Variants in DISP1 observed in about 807,000 individuals in gnomAD.
The protein encoded by DISP1 is protein dispatched homolog 1.
In DISP1, 30 loss-of-function variants were observed where a neutral mutation model predicts 37.3. That is an observed-to-expected ratio of 0.80 (90% CI 0.60 to 1.09). The LOEUF (loss-of-function observed/expected upper bound fraction) is 1.09. Ranked by LOEUF, DISP1 falls within the 50% of genes least tolerant of loss-of-function variation. DISP1 has a pLI of 0.00. For missense variants in DISP1, 1,598 were observed against 1,879.5 expected (o/e 0.85, Z 2.77); for synonymous variants, 634 against 690.2 (o/e 0.92, Z 1.28).
At chr1:222,927,501 C>T (rs1043800415) in intron 1 of DISP1, among the ~76,000 whole-genome samples, 9 of 152,022 alleles carry the variant, frequency 5.9e-5, no homozygotes, top group Non-Finnish European at 1.3e-4. Context: ...TCTGTGTTTT[C>T]ATTTTCTTGA....
chr1:222,918,133 G>C (rs796258976), intron 1 of DISP1, among the ~76,000 whole-genome samples: 3 of 152,284 alleles, frequency 2.0e-5, no homozygotes, highest in African/African-American at 7.2e-5. Flanking sequence ...CCTGGACCCG[G>C]GCACCTCAAA....
intron 2 of DISP1, among the ~76,000 whole-genome samples, chr1:222,935,792 A>G (rs919708278): frequency 1.2e-4 from 19 of 152,322 alleles, no homozygotes; most frequent in African/African-American, 4.3e-4. Flanking sequence ...TGGCCACACT[A>G]GCAGTTCTGA....
At chr1:222,836,335 T>C (rs1667023130) in intron 1 of DISP1, among the ~76,000 whole-genome samples, 1 of 152,214 alleles carries the variant, frequency 6.6e-6, no homozygotes, top group Non-Finnish European at 1.5e-5. Flanking sequence ...ACAGAAGTGG[T>C]AATGTGTGAC....
intron 4 of DISP1, among the ~76,000 whole-genome samples, chr1:222,986,691 C>A (rs1242698340): frequency 6.6e-6 from 1 of 152,180 alleles, no homozygotes; most frequent in African/African-American, 2.4e-5. Context: ...CCCTTCAGAT[C>A]CGTCTCCTAT....
intron 3 of DISP1, among the ~76,000 whole-genome samples, chr1:222,964,752 C>T (rs930338025): frequency 6.6e-6 from 1 of 152,188 alleles, no homozygotes; most frequent in African/African-American, 2.4e-5. Context: ...GCAGGATACG[C>T]AGTGGGTTTT....
chr1:222,991,693 T>G lies in DISP1; in HGVS notation c.791+46T>G, dbSNP rs113027364. On this transcript the variant is annotated intron_variant, in intron 6 of 8. Coordinates refer to ENST00000675850, the MANE Select transcript of DISP1 (RefSeq NM_001377229.1). The stretch of plus-strand genomic sequence containing the variant: ...ATATAACTTTTAGACAAAACATTGC[T>G]GAATGAATTCCTCTTCAAATACTGC... The G allele has an allele frequency of 2.5e-6, 4 of 1,579,224 alleles. No individual in the cohort carries two copies. The South Asian group carries it at 4.5e-5, about 18-fold the overall frequency.
chr1:222,947,386 T>C (rs1392965733), intron 3 of DISP1, among the ~76,000 whole-genome samples: 1 of 152,250 alleles, frequency 6.6e-6, no homozygotes, highest in East Asian at 1.9e-4. Context: ...TGTATATTTA[T>C]ATATTATATT....
chr1:222,920,867 GAC>G (rs1362009702), intron 1 of DISP1, among the ~76,000 whole-genome samples: 1 of 152,014 alleles, frequency 6.6e-6, no homozygotes, highest in African/African-American at 2.4e-5. Flanking sequence ...CATTCTAGAT[GAC>G]CAAAATGCTT....
chr1:222,931,921 T>G (rs899589296), intron 2 of DISP1, among the ~76,000 whole-genome samples: 2 of 151,986 alleles, frequency 1.3e-5, no homozygotes, highest in African/African-American at 4.8e-5. Flanking sequence ...ACGCAAAGTC[T>G]GCACTGTTGT....
intron 3 of DISP1, among the ~76,000 whole-genome samples, chr1:222,955,863 A>T (rs114396224): frequency 0.02 from 2,974 of 152,318 alleles, 45 homozygotes; most frequent in Middle Eastern, 0.048. Context: ...AAAGCAGAAT[A>T]CAATGAAAGA....
intron 1 of DISP1, among the ~76,000 whole-genome samples, chr1:222,861,702 C>T (rs1002122665): frequency 7.9e-5 from 12 of 152,178 alleles, no homozygotes; most frequent in South Asian, 2.1e-4. Flanking sequence ...TTCAAAACAC[C>T]ACAATAAATT....
At chr1:222,852,568 T>C (rs1280597790) in intron 1 of DISP1, among the ~76,000 whole-genome samples, 2 of 152,180 alleles carry the variant, frequency 1.3e-5, no homozygotes, top group Non-Finnish European at 2.9e-5. Context: ...GCCTGAAAAA[T>C]GTAGAACTCC....
chr1:222,968,245 A>C (rs1676654813), intron 3 of DISP1, among the ~76,000 whole-genome samples: 2 of 152,164 alleles, frequency 1.3e-5, no homozygotes, highest in Non-Finnish European at 2.9e-5. Context: ...TTCTTCTTAC[A>C]AGCCAAGAAA....
At chr1:222,926,864 G>A (rs1673111757) in intron 1 of DISP1, among the ~76,000 whole-genome samples, 1 of 152,116 alleles carries the variant, frequency 6.6e-6, no homozygotes, top group South Asian at 2.1e-4. Context: ...TTTACAGTAT[G>A]AGAGCCAAAC....
chr1:222,991,926 G>A, intron 6 of DISP1, 87 bp from the exon 7 acceptor site: 1 of 1,083,896 alleles, frequency 9.2e-7, no homozygotes, highest in Non-Finnish European at 1.4e-6. Context: ...GCAGGTCATG[G>A]CTTTGAGGAA....
intron 1 of DISP1, among the ~76,000 whole-genome samples, chr1:222,888,727 A>G (rs190125201): frequency 2.0e-3 from 306 of 152,192 alleles, no homozygotes; most frequent in Admixed American, 3.8e-3. Context: ...AACATCAACA[A>G]TATTACCTTT....
At chr1:222,979,590 TA>T in intron 3 of DISP1, 1 of 471,056 alleles carries the variant, frequency 2.1e-6, no homozygotes, top group South Asian at 1.5e-5. Context: ...TATTTGAAAA[TA>T]CAGCTTTTGG....
At chr1:222,889,607 C>CTA (rs767033404) in intron 1 of DISP1, among the ~76,000 whole-genome samples, 1 of 149,918 alleles carries the variant, frequency 6.7e-6, no homozygotes, top group East Asian at 1.9e-4. Context: ...ACTACATGAA[C>CTA]TATATATGCC....
chr1:222,866,109 A>G (rs1480085043), intron 1 of DISP1, among the ~76,000 whole-genome samples: 1 of 151,938 alleles, frequency 6.6e-6, no homozygotes, highest in Non-Finnish European at 1.5e-5. Context: ...CCTCCTTTGA[A>G]AAAAAAATGA....
Sources: gnomAD v4.1 joint callset for allele counts (sites outside exome capture counted in the v4.1 genomes callset) on GRCh38, gnomAD v4.1.1 for gene constraint, MANE v1.5 for transcripts, NCBI Gene and HGNC (gene_info 2026-07-23, HGNC 2026-07-21) for gene names.